Variants in SASH1 observed in about 807,000 individuals in gnomAD.
SASH1 encodes the protein SAM and SH3 domain-containing protein 1.
Under a neutral mutation model 125.2 loss-of-function variants are expected in SASH1, and 44 were observed. The ratio of observed to expected loss-of-function variants is 0.35; its 90% CI spans 0.28 to 0.45. The LOEUF (loss-of-function observed/expected upper bound fraction) is 0.45. SASH1 is among the 20% of genes least tolerant of loss of function. The pLI, the probability that SASH1 is intolerant of heterozygous loss-of-function variation, is 1.00. For synonymous variants in SASH1, 639 were observed against 649.1 expected (o/e 0.98, Z 0.24); for missense variants, 1,426 against 1,614.5 (o/e 0.88, Z 2.00).
the SASH1 span, among the ~76,000 whole-genome samples, chr6:148,238,053 G>C: frequency 9.2e-5 from 14 of 152,064 alleles, no homozygotes; most frequent in Non-Finnish European, 1.8e-4. Context: ...GGGCTGGAAT[G>C]CTCTTCCCCA....
chr6:148,362,594 G>T (rs370118532), intron 1 of SASH1, among the ~76,000 whole-genome samples: 1 of 151,010 alleles, frequency 6.6e-6, no homozygotes, highest in Non-Finnish European at 1.5e-5. Context: ...GGGTGTGGTC[G>T]TATGAGGAAA....
At chr6:148,489,817 C>T (rs536796158) in intron 8 of SASH1, among the ~76,000 whole-genome samples, 9 of 148,928 alleles carry the variant, frequency 6.0e-5, no homozygotes, top group African/African-American at 2.2e-4. Context: ...ATATTCTATC[C>T]TGTCACTTTG....
At chr6:148,288,804 G>C (rs1171691132) in intron 1 of SASH1, among the ~76,000 whole-genome samples, 1 of 152,006 alleles carries the variant, frequency 6.6e-6, no homozygotes, top group African/African-American at 2.4e-5. Context: ...AGCTAGCCCC[G>C]GTGTCTGTGT....
chr6:148,489,438 T>G (rs1583243219), intron 8 of SASH1, among the ~76,000 whole-genome samples: 1 of 152,224 alleles, frequency 6.6e-6, no homozygotes, highest in East Asian at 1.9e-4. Context: ...TAAGGTTGTT[T>G]TGGCTATTTA....
intron 18 of SASH1, 145 bp from the exon 19 acceptor site, chr6:148,545,870 G>GTT: frequency 1.3e-6 from 1 of 752,846 alleles, no homozygotes; most frequent in Non-Finnish European, 2.0e-6. Context: ...GAGCCCAGGA[G>GTT]TTTGAGGCTG....
Position 148,545,416 on chromosome 6 carries a change from C to T in SASH1, c.3348+598C>T, listed in dbSNP as rs552571503. 8.7e-4 allele frequency among the ~76,000 whole-genome samples: 133 copies of T among 152,288 alleles called. 1 individual carries two copies. The highest frequency in any genetic ancestry group is 2.8e-3 in the African/African-American group (118 of 41,558). ...ACCTCTCTGACCCTCCTTGATATTT[C>T]CTGAGTGAATGTCTTTAAATGAAAG... On this transcript the variant is annotated intron_variant, in intron 18 of 19. Transcript: ENST00000367467.
intron 6 of SASH1, among the ~76,000 whole-genome samples, chr6:148,473,415 G>A (rs900809100): frequency 2.6e-5 from 4 of 152,030 alleles, no homozygotes; most frequent in Non-Finnish European, 5.9e-5. Flanking sequence ...CACCATGCCC[G>A]GCTAATTTCT....
At chr6:148,315,108 T>A (rs1163250906) in intron 1 of SASH1, among the ~76,000 whole-genome samples, 1 of 152,180 alleles carries the variant, frequency 6.6e-6, no homozygotes, top group Non-Finnish European at 1.5e-5. Flanking sequence ...ATTTAAGGGA[T>A]TAAATTAGCT....
At chr6:148,198,468 A>G in the SASH1 span, among the ~76,000 whole-genome samples, 800 of 152,324 alleles carry the variant, frequency 5.3e-3, 7 homozygotes, top group African/African-American at 0.018. Flanking sequence ...TTGGCAGCAT[A>G]CTTCAGGTCA....
chr6:148,508,279 G>A (rs758722864), intron 8 of SASH1, among the ~76,000 whole-genome samples: 25 of 152,186 alleles, frequency 1.6e-4, no homozygotes, highest in Admixed American at 4.6e-4. Context: ...ATAGCCATTG[G>A]AAGGTGTCTA....
At chr6:148,338,586 T>C (rs1208296882), upstream of SASH1, among the ~76,000 whole-genome samples, 1 of 152,208 alleles carries the variant, frequency 6.6e-6, no homozygotes, top group East Asian at 1.9e-4. Flanking sequence ...GAGGCCCTTT[T>C]CCATTTCCAT....
At chr6:148,454,950 C>CT (rs1378392955) in intron 4 of SASH1, among the ~76,000 whole-genome samples, 1 of 152,158 alleles carries the variant, frequency 6.6e-6, no homozygotes, top group African/African-American at 2.4e-5. Context: ...CAAATAAAAC[C>CT]TTACAAGTCA....
chr6:148,356,040 C>A (rs1322939515), intron 1 of SASH1, among the ~76,000 whole-genome samples: 1 of 151,186 alleles, frequency 6.6e-6, no homozygotes, highest in African/African-American at 2.4e-5. Context: ...CGCTTCCCCC[C>A]AAGTCCCCCA....
rs1235506070 is a variant in SASH1 at position 148,364,659 on chromosome 6, A to G, written c.156+21436A>G. Among the ~76,000 whole-genome samples the G allele has an allele frequency of 2.6e-5, 4 of 152,282 alleles. No homozygotes were observed. In the East Asian group the frequency reaches 7.7e-4, roughly 29 times the overall value. On this transcript the variant is annotated intron_variant, in intron 1 of 19. Transcript: ENST00000367467. The stretch of plus-strand genomic sequence containing the variant: ...CAAAAGGAAGGTTTCTGTAGATACA[A>G]GGTCAAGATGAGAATAGGTTCTGCC...
chr6:148,449,078 C>CTTTTTCTTTTTTTTTTTTTTTT, intron 4 of SASH1, among the ~76,000 whole-genome samples: 2 of 88,734 alleles, frequency 2.3e-5, no homozygotes, highest in African/African-American at 8.6e-5. Flanking sequence ...CATTTCATTT[C>CTTTTTCTTTTTTTTTTTTTTTT]TTTTTTTTTT....
At chr6:148,238,886 G>T in the SASH1 span, among the ~76,000 whole-genome samples, 2 of 152,124 alleles carry the variant, frequency 1.3e-5, no homozygotes, top group Admixed American at 1.3e-4. Context: ...CTCAAAAATA[G>T]CTCCCAAAAG....
chr6:148,518,899 T>C (rs988080889), intron 9 of SASH1, among the ~76,000 whole-genome samples: 8 of 152,192 alleles, frequency 5.3e-5, no homozygotes, highest in African/African-American at 1.9e-4. Context: ...ACGCCCTGGC[T>C]GCTCCTAGTG....
the SASH1 span, among the ~76,000 whole-genome samples, chr6:148,222,196 G>T: frequency 6.6e-6 from 1 of 152,150 alleles, no homozygotes; most frequent in Non-Finnish European, 1.5e-5. Flanking sequence ...AGGTAGCTGA[G>T]GAATAGTGTG....
At chr6:148,203,738 C>A in the SASH1 span, among the ~76,000 whole-genome samples, 1 of 152,194 alleles carries the variant, frequency 6.6e-6, no homozygotes, top group African/African-American at 2.4e-5. Flanking sequence ...TAAAAATGGG[C>A]TAACTATTGG....
Sources: gnomAD v4.1 joint callset for allele counts (sites outside exome capture counted in the v4.1 genomes callset) on GRCh38, gnomAD v4.1.1 for gene constraint, MANE v1.5 for transcripts, NCBI Gene and HGNC (gene_info 2026-07-23, HGNC 2026-07-21) for gene names.